POU2F1: variants seen among roughly 807,000 people sequenced by gnomAD.
The protein encoded by POU2F1 is POU domain, class 2, transcription factor 1.
In POU2F1, 16 loss-of-function variants were observed where a neutral mutation model predicts 84.9. The ratio of observed to expected loss-of-function variants is 0.19; its 90% CI spans 0.13 to 0.29. The LOEUF (loss-of-function observed/expected upper bound fraction) is 0.29, where lower values mean the gene tolerates loss of function less well. Among genes scored for constraint, POU2F1 ranks in the 10% least tolerant of loss-of-function variants. The pLI is 1.00. For synonymous variants in POU2F1, 368 were observed against 368.3 expected (o/e 1.00, Z 0.01); for missense variants, 738 against 942.6 (o/e 0.78, Z 2.84).
intron 5 of POU2F1, among the ~76,000 whole-genome samples, chr1:167,373,211 A>T (rs1226284749): frequency 1.3e-5 from 2 of 152,220 alleles, no homozygotes; most frequent in Non-Finnish European, 2.9e-5. Flanking sequence ...GACTGTACAT[A>T]TACTTCAGAA....
intron 1 of POU2F1, among the ~76,000 whole-genome samples, chr1:167,221,416 G>A (rs1648153863): frequency 6.7e-6 from 1 of 149,452 alleles, no homozygotes; most frequent in Non-Finnish European, 1.5e-5. Context: ...CGGGCGGGCG[G>A]CCGGGGCCGG....
At chr1:167,229,931 A>G (rs551555077) in intron 1 of POU2F1, among the ~76,000 whole-genome samples, 1 of 152,308 alleles carries the variant, frequency 6.6e-6, no homozygotes, top group African/African-American at 2.4e-5. Flanking sequence ...ACCCTTGCCT[A>G]TGCATTATTA....
At chr1:167,332,405 GC>G (rs1209831026) in intron 1 of POU2F1, 64 bp from the exon 2 acceptor site, 1 of 1,233,892 alleles carries the variant, frequency 8.1e-7, no homozygotes, top group African/African-American at 1.5e-5. Context: ...CCACAGTTTT[GC>G]CTCCTCAATC....
chr1:167,422,431 G>A lies in POU2F1; in HGVS notation c.*6621G>A, dbSNP rs1557981006. Reference sequence around the variant, plus strand: ...CCTTACTTACTTTTCTCATACCAAGGCTAGTTCTTTCTAGACCAAAAACAC... The same window carrying A: ...CCTTACTTACTTTTCTCATACCAAGACTAGTTCTTTCTAGACCAAAAACAC... On this transcript the variant is annotated 3_prime_UTR_variant, in exon 16 of 16. Coordinates refer to ENST00000367866, the MANE Select transcript of POU2F1 (RefSeq NM_002697.4). 1.3e-5 allele frequency: 2 copies of A among 152,162 alleles called. No homozygotes were observed. Among genetic ancestry groups the A allele is most frequent in the Admixed American group, 1.3e-4 (2 of 15,280 alleles). 9.4% of individuals were successfully genotyped at this position (152,162 alleles called of 1,614,324 possible).
chr1:167,369,870 T>G (rs1159217724), intron 3 of POU2F1, among the ~76,000 whole-genome samples: 1 of 152,214 alleles, frequency 6.6e-6, no homozygotes, highest in Non-Finnish European at 1.5e-5. Context: ...ACAAACAATG[T>G]TATGTAAGGA....
chr1:167,359,319 C>T (rs1262161291), intron 2 of POU2F1, among the ~76,000 whole-genome samples: 1 of 152,094 alleles, frequency 6.6e-6, no homozygotes, highest in African/African-American at 2.4e-5. Flanking sequence ...AACCTAGTAC[C>T]GTAGGTAGTT....
rs115861573 is a variant in POU2F1, at chr1:167,354,695, A to G, written c.128-10772A>G. On this transcript the variant is annotated intron_variant, in intron 2 of 15. Coordinates refer to ENST00000367866, the MANE Select transcript of POU2F1 (RefSeq NM_002697.4). ...TATACTGCTACTAATAGCAACTGGG[A>G]TTAACCGACTTTGCAATTTTAGCCA... 4.4e-3 allele frequency among the ~76,000 whole-genome samples: 672 copies of G among 152,304 alleles called. 12 individuals carry two copies. Among genetic ancestry groups the G allele is most frequent in the African/African-American group, 0.016 (656 of 41,566 alleles).
At chr1:167,400,417 C>A (rs1201290413) in intron 12 of POU2F1, among the ~76,000 whole-genome samples, 1 of 152,162 alleles carries the variant, frequency 6.6e-6, no homozygotes, top group Non-Finnish European at 1.5e-5. Context: ...CTGCTGATCC[C>A]AGTTATCTCA....
At chr1:167,392,962 A>G (rs891278699) in intron 9 of POU2F1, among the ~76,000 whole-genome samples, 9 of 152,254 alleles carry the variant, frequency 5.9e-5, no homozygotes, top group Admixed American at 2.0e-4. Flanking sequence ...CTGTGTAAAT[A>G]TACACATTAT....
At chr1:167,284,203 AT>A (rs989397508) in intron 1 of POU2F1, among the ~76,000 whole-genome samples, 1 of 152,066 alleles carries the variant, frequency 6.6e-6, no homozygotes, top group African/African-American at 2.4e-5. Context: ...ATGGTAATAA[AT>A]TTTTTTTGTT....
chr1:167,281,547 G>C (rs1196569862), intron 1 of POU2F1, among the ~76,000 whole-genome samples: 1 of 152,194 alleles, frequency 6.6e-6, no homozygotes, highest in Non-Finnish European at 1.5e-5. Context: ...GGAAAGTGAT[G>C]TATAGAAAAT....
chr1:167,399,983 T>C (rs1208969593), intron 12 of POU2F1, among the ~76,000 whole-genome samples: 2 of 128,610 alleles, frequency 1.6e-5, no homozygotes, highest in Non-Finnish European at 3.3e-5. Flanking sequence ...TTTTTTTTTT[T>C]TTTTTTTTTT....
At chr1:167,227,713 A>G (rs1648742776) in intron 1 of POU2F1, among the ~76,000 whole-genome samples, 2 of 152,218 alleles carry the variant, frequency 1.3e-5, no homozygotes, top group Admixed American at 6.5e-5. Context: ...ATAACAAGGA[A>G]ATATGACTGC....
chr1:167,406,732 CA>C (rs1293408115), intron 13 of POU2F1, among the ~76,000 whole-genome samples: 2 of 151,800 alleles, frequency 1.3e-5, no homozygotes, highest in Non-Finnish European at 2.9e-5. Context: ...ATGGACAGTT[CA>C]AAAATGAAAT....
chr1:167,234,767 A>C lies in POU2F1; in HGVS notation c.61+13809A>C, dbSNP rs79940984. ...AATATATATGAAACTGAAGCTAATT[A>C]CACATGTTAACCTTGGGATAATTTT... On this transcript the variant is annotated intron_variant, in intron 1 of 15. Transcript: ENST00000367866. Among the ~76,000 whole-genome samples, 886 of 152,308 alleles carry C rather than the reference A, an allele frequency of 5.8e-3. 32 individuals carry two copies. The East Asian group carries it at 0.084, about 15-fold the overall frequency.
intron 4 of POU2F1, among the ~76,000 whole-genome samples, chr1:167,371,275 A>C (rs1399695113): frequency 6.6e-6 from 1 of 152,210 alleles, no homozygotes; most frequent in African/African-American, 2.4e-5. Flanking sequence ...AGAATTAATC[A>C]GAGCATTTAT....
At chr1:167,247,583 A>G (rs1233778404) in intron 1 of POU2F1, among the ~76,000 whole-genome samples, 6 of 152,138 alleles carry the variant, frequency 3.9e-5, no homozygotes, top group Admixed American at 3.9e-4. Flanking sequence ...GCTTCTATCA[A>G]TTGGAACATT....
In POU2F1 at chr1:167,277,079, T is replaced by C. The variant is rs143973829; in HGVS notation, c.62-55391T>C. ...AATCTAATAAGCATTCTTTCAGACC[T>C]GTTCTTATTTGACCTCTCAGTGGTG... On this transcript the variant is annotated intron_variant, in intron 1 of 15. Coordinates refer to ENST00000367866, the MANE Select transcript of POU2F1 (RefSeq NM_002697.4). Among the ~76,000 whole-genome samples, 232 of 152,298 alleles carry C rather than the reference T, an allele frequency of 1.5e-3. 3 individuals carry two copies. Among genetic ancestry groups the C allele is most frequent in the South Asian group, 5.2e-3 (25 of 4,820 alleles).
At chr1:167,334,472 C>T (rs558316159) in intron 2 of POU2F1, among the ~76,000 whole-genome samples, 142 of 152,218 alleles carry the variant, frequency 9.3e-4, no homozygotes, top group Admixed American at 1.6e-3. Flanking sequence ...GGCACAAAAC[C>T]AGCCAGGAAA....
Sources: allele counts gnomAD v4.1 joint callset (sites outside exome capture counted in the v4.1 genomes callset), GRCh38; gene constraint gnomAD v4.1.1; transcripts MANE v1.5; gene names NCBI Gene and HGNC (gene_info 2026-07-23, HGNC 2026-07-21).